Variants in VWA3B observed in about 807,000 individuals in gnomAD.
VWA3B encodes von Willebrand factor A domain-containing protein 3B.
A neutral mutation model predicts 158.3 loss-of-function variants in VWA3B; 138 were observed. The ratio of observed to expected loss-of-function variants is 0.87; its 90% CI spans 0.76 to 1.00. The LOEUF (loss-of-function observed/expected upper bound fraction) is 1.00, where lower values mean the gene tolerates loss of function less well. VWA3B is among the 50% of genes least tolerant of loss of function. The pLI is 0.00. For synonymous variants in VWA3B, 596 were observed against 587.3 expected (o/e 1.01, Z -0.21); for missense variants, 1,555 against 1,565.1 (o/e 0.99, Z 0.11).
At chr2:98,153,020 A>G (rs1677760433) in intron 7 of VWA3B, among the ~76,000 whole-genome samples, 1 of 152,220 alleles carries the variant, frequency 6.6e-6, no homozygotes, top group Admixed American at 6.5e-5. Flanking sequence ...ACGACATGGC[A>G]TACCTTTCAC....
chr2:98,154,267 T>G (rs1489883976), intron 7 of VWA3B, among the ~76,000 whole-genome samples: 2 of 152,152 alleles, frequency 1.3e-5, no homozygotes, highest in Non-Finnish European at 2.9e-5. Context: ...GAGGAGGAGA[T>G]TCAAAAGGAA....
At chr2:98,097,521 A>G (rs908568136) in intron 2 of VWA3B, among the ~76,000 whole-genome samples, 1 of 152,166 alleles carries the variant, frequency 6.6e-6, no homozygotes, top group Admixed American at 6.5e-5. Flanking sequence ...GATTGGCTCT[A>G]TATCTTTGCA....
At chr2:98,220,641 A>G (rs936314751) in intron 14 of VWA3B, among the ~76,000 whole-genome samples, 5 of 152,350 alleles carry the variant, frequency 3.3e-5, no homozygotes, top group Non-Finnish European at 5.9e-5. Flanking sequence ...TACTATAAAG[A>G]CACATGCACA....
Position 98,256,194 on chromosome 2 carries a change from CCT to C in VWA3B, c.2843+22_2843+23del. On this transcript the variant is annotated intron_variant, in intron 21 of 27. Transcript: ENST00000477737. ...AGAAAAGTAAGCCATTCCATTCCCT[CCT>C]CACTTTTTTTTTTTGGTGAAATTCA... 6.5e-7 allele frequency: 1 copy of C among 1,528,612 alleles called. No individual in the cohort carries two copies. Among genetic ancestry groups the C allele is most frequent in the Non-Finnish European group, 8.7e-7 (1 of 1,147,770 alleles). The allele number at this position is 1,528,612 out of a possible 1,614,324, so 94.7% of individuals were successfully genotyped here. A position where few individuals can be genotyped will look rare whatever the true frequency, so the allele number is the denominator to read the frequency against.
intron 26 of VWA3B, among the ~76,000 whole-genome samples, chr2:98,311,486 T>A (rs1345043179): frequency 6.6e-6 from 1 of 152,188 alleles, no homozygotes; most frequent in Non-Finnish European, 1.5e-5. Context: ...GGGGCCAAGC[T>A]CATCTCCCTG....
chr2:98,269,348 G>C (rs1200071749), intron 21 of VWA3B: 1 of 152,122 alleles, frequency 6.6e-6, no homozygotes, highest in African/African-American at 2.4e-5. Flanking sequence ...TCAGGAGCCT[G>C]TAATATCTTG....
At chr2:98,204,154 G>A (rs1169569424) in intron 12 of VWA3B, among the ~76,000 whole-genome samples, 2 of 152,210 alleles carry the variant, frequency 1.3e-5, no homozygotes, top group South Asian at 4.1e-4. Flanking sequence ...GATACTAAGG[G>A]ACAACTGTAG....
chr2:98,133,457 C>G (rs1676025372), intron 6 of VWA3B, among the ~76,000 whole-genome samples: 1 of 152,156 alleles, frequency 6.6e-6, no homozygotes, highest in Non-Finnish European at 1.5e-5. Flanking sequence ...ACTGGGGCCC[C>G]TCATTAGACC....
At chr2:98,204,967 C>T (rs972655117) in intron 12 of VWA3B, among the ~76,000 whole-genome samples, 1 of 152,100 alleles carries the variant, frequency 6.6e-6, no homozygotes, top group Non-Finnish European at 1.5e-5. Flanking sequence ...AAAAACTAGC[C>T]GGGCATGGTG....
At chr2:98,239,781 G>A (rs185741978) in intron 19 of VWA3B, among the ~76,000 whole-genome samples, 36 of 151,430 alleles carry the variant, frequency 2.4e-4, no homozygotes, top group African/African-American at 8.5e-4. Context: ...AGGTGTGGTG[G>A]CGTGTGCCTG....
chr2:98,215,963 A>G (rs1481989159), intron 13 of VWA3B, among the ~76,000 whole-genome samples: 1 of 152,176 alleles, frequency 6.6e-6, no homozygotes, highest in Non-Finnish European at 1.5e-5. Context: ...TGTAGAAGAT[A>G]TGGAGATGTA....
the VWA3B span, among the ~76,000 whole-genome samples, chr2:98,324,785 A>G: frequency 2.0e-5 from 3 of 152,238 alleles, no homozygotes; most frequent in Admixed American, 1.3e-4. Context: ...GGATTATCAG[A>G]CAAGGACTTC....
intron 19 of VWA3B, among the ~76,000 whole-genome samples, chr2:98,249,557 T>C (rs1053976254): frequency 2.6e-5 from 4 of 152,138 alleles, no homozygotes; most frequent in Non-Finnish European, 2.9e-5. Context: ...CCCCCCAAAA[T>C]TGGGGAAGGA....
chr2:98,135,975 C>A (rs1425411595), intron 7 of VWA3B, among the ~76,000 whole-genome samples: 2 of 152,040 alleles, frequency 1.3e-5, no homozygotes. Context: ...GCCACCCTCT[C>A]GTTTGGTGGG....
At chr2:98,212,447 C>CA (rs541006427) in intron 13 of VWA3B, among the ~76,000 whole-genome samples, 204 of 152,272 alleles carry the variant, frequency 1.3e-3, no homozygotes, top group African/African-American at 4.7e-3. Context: ...CTCATTTAAA[C>CA]AAAAACATGC....
At chr2:98,320,385 C>T in the VWA3B span, among the ~76,000 whole-genome samples, 1 of 152,036 alleles carries the variant, frequency 6.6e-6, no homozygotes, top group Admixed American at 6.6e-5. Flanking sequence ...AAATTGGTGC[C>T]AGGAGTGGGG....
intron 8 of VWA3B, among the ~76,000 whole-genome samples, chr2:98,163,325 G>A (rs1190754254): frequency 1.3e-5 from 2 of 152,186 alleles, no homozygotes; most frequent in African/African-American, 2.4e-5. Context: ...GGATCACGAG[G>A]TCAGGAGATC....
chr2:98,272,405 G>C, intron 22 of VWA3B, among the ~76,000 whole-genome samples: 1 of 152,186 alleles, frequency 6.6e-6, no homozygotes, highest in East Asian at 1.9e-4. Flanking sequence ...GCTCTCCCTG[G>C]GTGGGCCACC....
At chr2:98,298,433 TATTCTATTCTATGCCATGCC>T (rs1689965738) in intron 24 of VWA3B, among the ~76,000 whole-genome samples, 1 of 130,566 alleles carries the variant, frequency 7.7e-6, no homozygotes, top group South Asian at 2.4e-4. Context: ...TATTCTATTC[TATTCTATTCTATGCCATGCC>T]ATGCCATGCC....
Sources: gnomAD v4.1 joint callset for allele counts (sites outside exome capture counted in the v4.1 genomes callset) on GRCh38, gnomAD v4.1.1 for gene constraint, MANE v1.5 for transcripts, NCBI Gene and HGNC (gene_info 2026-07-23, HGNC 2026-07-21) for gene names.